MRPL3: variants seen among roughly 807,000 people sequenced by gnomAD.
MRPL3 encodes the protein large ribosomal subunit protein uL3m.
Under a neutral mutation model 44.3 loss-of-function variants are expected in MRPL3, and 43 were observed. The observed-to-expected ratio is 0.97, with a 90% confidence interval of 0.76 to 1.25. The LOEUF is 1.25. Among genes scored for constraint, MRPL3 ranks in the 50% most tolerant of loss-of-function variants. The probability of loss-of-function intolerance (pLI) is 0.00; values close to 1 mark genes in which losing one functional copy is unlikely to be tolerated. For missense variants in MRPL3, 406 were observed against 427.6 expected, an observed-to-expected ratio of 0.95 and a Z score of 0.45; for synonymous variants, 171 against 152.3, an observed-to-expected ratio of 1.12 and a Z score of -0.91.
At chr3:131,501,883 T>C (rs1333237517) in intron 1 of MRPL3, 168 bp from the exon 2 acceptor site, 2 of 1,539,646 alleles carry the variant, frequency 1.3e-6, no homozygotes, top group African/African-American at 2.7e-5. Context: ...ACTCCCCACA[T>C]TCCTTCGGAT....
intron 6 of MRPL3, among the ~76,000 whole-genome samples, chr3:131,473,901 A>G (rs1469436453): frequency 6.6e-6 from 1 of 152,176 alleles, no homozygotes; most frequent in Non-Finnish European, 1.5e-5. Context: ...CAAAAAGACA[A>G]AAGAAAACAA....
intron 6 of MRPL3, among the ~76,000 whole-genome samples, chr3:131,486,873 A>AC (rs1491301056): frequency 2.0e-5 from 3 of 152,192 alleles, no homozygotes; most frequent in African/African-American, 7.2e-5. Context: ...AATTAGTTCA[A>AC]CCATTATGGA....
At position 131,502,751 on chromosome 3, in the gene MRPL3, G is replaced by C; in HGVS notation, c.71C>G (p.Ala24Gly). 1.2e-6 allele frequency: 2 copies of C among 1,611,982 alleles called. No individual in the cohort carries two copies. The highest frequency in any genetic ancestry group is 2.2e-5 in the South Asian group (2 of 90,762). The change falls in exon 1 of 10, where the codon GCT becomes GGT. Residue 24 changes from alanine (A) to glycine (G), a missense_variant. Coordinates refer to ENST00000264995, the MANE Select transcript of MRPL3 (RefSeq NM_007208.4). ...CTACCTGTTCCCCGGGCCCAGGGCAGCACCCAGGCCGTCCCCGAGTCGACC... is the reference window on the plus strand; with the variant it reads ...CTACCTGTTCCCCGGGCCCAGGGCACCACCCAGGCCGTCCCCGAGTCGACC... ...VLGRLGDGLG[A>G]ALGPGNRTHI...
chr3:131,494,891 T>C (rs990588038), intron 4 of MRPL3, among the ~76,000 whole-genome samples: 1 of 152,152 alleles, frequency 6.6e-6, no homozygotes, highest in African/African-American at 2.4e-5. Context: ...ATCCCATCTA[T>C]GAGGTTGCAT....
At chr3:131,473,749 C>G (rs1933791153) in intron 6 of MRPL3, among the ~76,000 whole-genome samples, 1 of 151,584 alleles carries the variant, frequency 6.6e-6, no homozygotes, top group Non-Finnish European at 1.5e-5. Flanking sequence ...AAAAAATGAG[C>G]AAAATATCTT....
chr3:131,484,100 G>A (rs1934056699), intron 6 of MRPL3, among the ~76,000 whole-genome samples: 1 of 152,154 alleles, frequency 6.6e-6, no homozygotes, highest in Non-Finnish European at 1.5e-5. Flanking sequence ...CATTAAACTT[G>A]CTTGCTTTTA....
At chr3:131,487,497 T>C (rs780497893) in intron 6 of MRPL3, 183 bp downstream of exon 6, 1 of 583,326 alleles carries the variant, frequency 1.7e-6, no homozygotes, top group Non-Finnish European at 3.0e-6. Flanking sequence ...GTGAACCCTT[T>C]ACATACAATT....
At chr3:131,476,664 TATTTA>T (rs1388484282) in intron 6 of MRPL3, among the ~76,000 whole-genome samples, 5 of 152,230 alleles carry the variant, frequency 3.3e-5, no homozygotes, top group Admixed American at 2.0e-4. Flanking sequence ...AGATGTATTT[TATTTA>T]GAGTATCTAT....
chr3:131,485,530 A>G (rs1212218150), intron 6 of MRPL3, among the ~76,000 whole-genome samples: 2 of 152,186 alleles, frequency 1.3e-5, no homozygotes, highest in East Asian at 3.9e-4. Flanking sequence ...TAACCAAATC[A>G]AAGCTTTTAA....
At chr3:131,485,190 A>G (rs1433051501) in intron 6 of MRPL3, among the ~76,000 whole-genome samples, 3 of 152,218 alleles carry the variant, frequency 2.0e-5, no homozygotes, top group Non-Finnish European at 4.4e-5. Context: ...GCTTACAAGA[A>G]GGCAGCTGAA....
chr3:131,479,322 A>G (rs1933924908), intron 6 of MRPL3: 1 of 305,572 alleles, frequency 3.3e-6, no homozygotes, highest in Admixed American at 3.5e-5. Flanking sequence ...GTAACTGTGT[A>G]CCAAATGGAG....
chr3:131,472,640 G>GT (rs901651107), intron 6 of MRPL3, among the ~76,000 whole-genome samples: 1 of 152,082 alleles, frequency 6.6e-6, no homozygotes, highest in African/African-American at 2.4e-5. Context: ...AAAGGAAGAA[G>GT]TTGTCCCATT....
At chr3:131,477,478 C>T (rs1933879223) in intron 6 of MRPL3, among the ~76,000 whole-genome samples, 1 of 152,218 alleles carries the variant, frequency 6.6e-6, no homozygotes, top group African/African-American at 2.4e-5. Context: ...CCCCAAATCC[C>T]AAATCCAAGT....
chr3:131,481,452 T>C (rs547940543), intron 6 of MRPL3, among the ~76,000 whole-genome samples: 1 of 152,218 alleles, frequency 6.6e-6, no homozygotes, highest in Admixed American at 6.5e-5. Flanking sequence ...ATCTTTGTAA[T>C]ATGGCTATGA....
intron 6 of MRPL3, among the ~76,000 whole-genome samples, chr3:131,478,662 A>T (rs1478152290): frequency 6.6e-6 from 1 of 151,708 alleles, no homozygotes; most frequent in East Asian, 1.9e-4. Flanking sequence ...TCATGAAAAA[A>T]CAACCAAGTA....
At chr3:131,491,050 A>C (rs1283486406) in intron 4 of MRPL3, among the ~76,000 whole-genome samples, 1 of 152,156 alleles carries the variant, frequency 6.6e-6, no homozygotes, top group African/African-American at 2.4e-5. Flanking sequence ...TCCTATCACT[A>C]TATATAACAT....
intron 6 of MRPL3, among the ~76,000 whole-genome samples, chr3:131,486,387 A>G (rs1240057762): frequency 5.4e-5 from 8 of 149,022 alleles, no homozygotes; most frequent in Non-Finnish European, 1.0e-4. Context: ...AAAAAAAAAA[A>G]AAAACCAAAA....
At chr3:131,466,801 C>T (rs995413173) in intron 9 of MRPL3, among the ~76,000 whole-genome samples, 2 of 151,912 alleles carry the variant, frequency 1.3e-5, no homozygotes, top group Non-Finnish European at 2.9e-5. Context: ...ATCAGGATAA[C>T]TAGCATATCC....
intron 6 of MRPL3, chr3:131,479,288 G>GT (rs1933924291): frequency 2.4e-6 from 1 of 417,772 alleles, no homozygotes; most frequent in Non-Finnish European, 4.8e-6. Context: ...TAAGTGACTT[G>GT]TACATATATC....
Sources: gnomAD v4.1 joint callset for allele counts (sites outside exome capture counted in the v4.1 genomes callset) on GRCh38, gnomAD v4.1.1 for gene constraint, MANE v1.5 for transcripts, NCBI Gene and HGNC (gene_info 2026-07-23, HGNC 2026-07-21) for gene names.